The following SKAP1 variants were observed in gnomAD, a reference collection of about 807,000 sequenced individuals.
The protein encoded by SKAP1 is src kinase-associated phosphoprotein 1.
A neutral mutation model predicts 58.5 loss-of-function variants in SKAP1; 44 were observed. The ratio of observed to expected loss-of-function variants is 0.75; its 90% CI spans 0.59 to 0.97. The LOEUF (loss-of-function observed/expected upper bound fraction) is 0.97. Ranked by LOEUF, SKAP1 falls within the 50% of genes least tolerant of loss-of-function variation. SKAP1 has a pLI of 0.00. For synonymous variants in SKAP1, 127 were observed against 149.7 expected, an observed-to-expected ratio of 0.85 and a Z score of 1.11; for missense variants, 390 against 435.2, an observed-to-expected ratio of 0.90 and a Z score of 0.92.
At chr17:48,207,901 G>C (rs974050733) in intron 4 of SKAP1, among the ~76,000 whole-genome samples, 12 of 152,220 alleles carry the variant, frequency 7.9e-5, no homozygotes, top group African/African-American at 2.9e-4. Flanking sequence ...TTTTGTGCCA[G>C]AGAGCACAGA....
At chr17:48,291,259 A>C (rs2065893705) in intron 4 of SKAP1, among the ~76,000 whole-genome samples, 1 of 152,164 alleles carries the variant, frequency 6.6e-6, no homozygotes, top group African/African-American at 2.4e-5. Flanking sequence ...AGCCCACTTC[A>C]CTGAAAATTT....
the SKAP1 span, among the ~76,000 whole-genome samples, chr17:48,436,859 C>G: frequency 6.6e-6 from 1 of 152,214 alleles, no homozygotes; most frequent in African/African-American, 2.4e-5. Context: ...TCTTCACCAG[C>G]CTTCCTTTTG....
chr17:48,347,986 T>C (rs2144336749), intron 3 of SKAP1, among the ~76,000 whole-genome samples: 1 of 152,250 alleles, frequency 6.6e-6, no homozygotes, highest in Non-Finnish European at 1.5e-5. Context: ...ATGTATAAAC[T>C]ATTATTCTGG....
intron 1 of SKAP1, among the ~76,000 whole-genome samples, chr17:48,417,163 C>T (rs1425434922): frequency 6.6e-6 from 1 of 152,144 alleles, no homozygotes; most frequent in Non-Finnish European, 1.5e-5. Flanking sequence ...GTCAGCATTA[C>T]AATAGAAAAG....
At position 48,412,038 on chromosome 17, in the gene SKAP1, T is replaced by A. The variant is rs375404029; in HGVS notation, c.47-15253A>T. Reference sequence around the variant, plus strand: ...AAGTGTAACAGAAGTACAATACTAATCTGAAATGCTCACAATAAGGGAAAC... The same window carrying A: ...AAGTGTAACAGAAGTACAATACTAAACTGAAATGCTCACAATAAGGGAAAC... On this transcript the variant is annotated intron_variant, in intron 1 of 12. Coordinates refer to ENST00000336915, the MANE Select transcript of SKAP1 (RefSeq NM_003726.4). Among the ~76,000 whole-genome samples the A allele has an allele frequency of 1.6e-3, 245 of 152,266 alleles. 5 individuals carry two copies. In the South Asian group the frequency reaches 0.047, roughly 29 times the overall value.
chr17:48,367,373 T>C (rs1016262647), intron 2 of SKAP1, among the ~76,000 whole-genome samples: 1 of 151,892 alleles, frequency 6.6e-6, no homozygotes, highest in Non-Finnish European at 1.5e-5. Flanking sequence ...CTATAGTTAA[T>C]AATACTGTAT....
chr17:48,295,643 G>A (rs955588288), intron 4 of SKAP1: 1 of 130,154 alleles, frequency 7.7e-6, no homozygotes, highest in Non-Finnish European at 1.6e-5. Flanking sequence ...TTCCATTTTC[G>A]CTGTTTATGG....
chr17:48,178,646 T>C (rs1419919089), intron 9 of SKAP1, among the ~76,000 whole-genome samples: 1 of 152,190 alleles, frequency 6.6e-6, no homozygotes, highest in Non-Finnish European at 1.5e-5. Flanking sequence ...AATTTAACAA[T>C]CCTATCGAAT....
At chr17:48,289,349 T>A (rs1273659494) in intron 4 of SKAP1, among the ~76,000 whole-genome samples, 2 of 151,676 alleles carry the variant, frequency 1.3e-5, no homozygotes, top group Non-Finnish European at 2.9e-5. Context: ...GCCTACTTTT[T>A]AAAAAAAAAT....
chr17:48,414,893 C>T (rs2067713058), intron 1 of SKAP1, among the ~76,000 whole-genome samples: 1 of 152,172 alleles, frequency 6.6e-6, no homozygotes, highest in African/African-American at 2.4e-5. Context: ...CTTGTACATT[C>T]ACAAAGCTGC....
chr17:48,241,207 A>G (rs1052205027), intron 4 of SKAP1, among the ~76,000 whole-genome samples: 1 of 152,106 alleles, frequency 6.6e-6, no homozygotes, highest in Admixed American at 6.6e-5. Flanking sequence ...AACACCACAC[A>G]TGGGGCTCCT....
intron 10 of SKAP1, among the ~76,000 whole-genome samples, chr17:48,167,237 AGAG>A (rs1176456591): frequency 6.6e-6 from 1 of 152,212 alleles, no homozygotes; most frequent in Admixed American, 6.5e-5. Context: ...CTGTGGCACC[AGAG>A]GAGGAAGAGC....
At chr17:48,178,648 C>T (rs1299715535) in intron 9 of SKAP1, among the ~76,000 whole-genome samples, 3 of 152,292 alleles carry the variant, frequency 2.0e-5, no homozygotes, top group Non-Finnish European at 2.9e-5. Context: ...TTTAACAATC[C>T]TATCGAATTC....
chr17:48,321,357 ATTAT>A (rs2066361778), intron 4 of SKAP1, among the ~76,000 whole-genome samples: 1 of 44,592 alleles, frequency 2.2e-5, no homozygotes, highest in African/African-American at 6.0e-5. Context: ...CATTATTATT[ATTAT>A]TATTATTATT....
intron 4 of SKAP1, among the ~76,000 whole-genome samples, chr17:48,296,397 G>A (rs772440238): frequency 1.3e-5 from 2 of 152,070 alleles, no homozygotes; most frequent in Non-Finnish European, 2.9e-5. Context: ...ATGAAGCAAG[G>A]TGGTTGTTGT....
chr17:48,292,842 T>G (rs943030645), intron 4 of SKAP1, among the ~76,000 whole-genome samples: 1 of 152,148 alleles, frequency 6.6e-6, no homozygotes, highest in Non-Finnish European at 1.5e-5. Flanking sequence ...TAAGCAAAGT[T>G]TCAGAACAAA....
intron 3 of SKAP1, among the ~76,000 whole-genome samples, chr17:48,357,329 TG>T (rs1022393301): frequency 1.3e-5 from 2 of 152,098 alleles, no homozygotes; most frequent in Non-Finnish European, 2.9e-5. Flanking sequence ...TGAGTCTTTT[TG>T]TTAAAAAAAA....
At chr17:48,332,615 T>A (rs2066520446) in intron 4 of SKAP1, among the ~76,000 whole-genome samples, 1 of 152,162 alleles carries the variant, frequency 6.6e-6, no homozygotes, top group African/African-American at 2.4e-5. Flanking sequence ...CAATACCTCA[T>A]ATCAAGATGC....
chr17:48,283,799 C>T (rs146221266), intron 4 of SKAP1, among the ~76,000 whole-genome samples: 88 of 152,268 alleles, frequency 5.8e-4, no homozygotes, highest in African/African-American at 2.0e-3. Context: ...TCTGTCTGGG[C>T]ATCTTGTACC....
Sources: gnomAD v4.1 joint callset for allele counts (sites outside exome capture counted in the v4.1 genomes callset) on GRCh38, gnomAD v4.1.1 for gene constraint, MANE v1.5 for transcripts, NCBI Gene and HGNC (gene_info 2026-07-23, HGNC 2026-07-21) for gene names.